The following DCLK1 variants were observed in gnomAD, a reference collection of about 807,000 sequenced individuals.
DCLK1 encodes the protein doublecortin like kinase 1.
Under a neutral mutation model 86.2 loss-of-function variants are expected in DCLK1, and 16 were observed. That is an observed-to-expected ratio of 0.19 (90% confidence interval 0.13 to 0.28). DCLK1 has a LOEUF of 0.28. Ranked by LOEUF, DCLK1 falls within the 10% of genes least tolerant of loss-of-function variation. DCLK1 has a pLI of 1.00. For synonymous variants in DCLK1, 369 were observed against 370.5 expected (o/e 1.00, Z 0.05); for missense variants, 590 against 940.2 (o/e 0.63, Z 4.87).
intron 5 of DCLK1, among the ~76,000 whole-genome samples, chr13:35,867,907 GAAAA>G (rs370346232): frequency 1.6e-4 from 7 of 44,730 alleles, no homozygotes; most frequent in African/African-American, 6.5e-4. Context: ...GAGAAAGAAA[GAAAA>G]AGAAAGAAAG....
At chr13:35,832,404 A>G (rs1869029223) in intron 8 of DCLK1, among the ~76,000 whole-genome samples, 2 of 152,204 alleles carry the variant, frequency 1.3e-5, no homozygotes, top group South Asian at 4.1e-4. Flanking sequence ...GGATTTAGAA[A>G]AAGAGTATAT....
chr13:36,098,498 G>T (rs1330132935), intron 3 of DCLK1, among the ~76,000 whole-genome samples: 1 of 152,168 alleles, frequency 6.6e-6, no homozygotes, highest in Non-Finnish European at 1.5e-5. Context: ...GGTGAGAGAA[G>T]CACTGAGAGA....
chr13:35,861,239 GA>G (rs66531212), intron 5 of DCLK1, among the ~76,000 whole-genome samples: 3 of 151,806 alleles, frequency 2.0e-5, no homozygotes, highest in Admixed American at 6.6e-5. Flanking sequence ...TGGGGTACAA[GA>G]AAAAAAATTT....
chr13:36,103,004 G>A (rs937039214), intron 3 of DCLK1, among the ~76,000 whole-genome samples: 1 of 152,218 alleles, frequency 6.6e-6, no homozygotes. Context: ...ACATAAATGT[G>A]CAGACTCATG....
intron 3 of DCLK1, among the ~76,000 whole-genome samples, chr13:36,052,348 A>G (rs1041810304): frequency 6.6e-6 from 1 of 152,112 alleles, no homozygotes; most frequent in Admixed American, 6.6e-5. Flanking sequence ...AGAAATTCAA[A>G]GAAGAATTTG....
chr13:35,865,180 T>G (rs886274229), intron 5 of DCLK1, among the ~76,000 whole-genome samples: 1 of 152,076 alleles, frequency 6.6e-6, no homozygotes, highest in Non-Finnish European at 1.5e-5. Context: ...ATAAAAAAAA[T>G]TGCTTAAAAG....
In DCLK1 at chr13:35,881,400, C is replaced by T. The variant is rs371420315; in HGVS notation, c.824-10060G>A. Among the ~76,000 whole-genome samples, 11 of 152,302 alleles carry T rather than the reference C, an allele frequency of 7.2e-5. No homozygotes were observed. In the East Asian group the frequency reaches 1.7e-3, roughly 24 times the overall value. On this transcript the variant is annotated intron_variant, in intron 4 of 16. Coordinates refer to ENST00000360631, the MANE Select transcript of DCLK1 (RefSeq NM_001330071.2). ...GCCTACATCTTCCCCATACCAACTG[C>T]TTCCATCAGGGTGCAGGGAAAGCCT...
chr13:36,073,844 T>C (rs983248424), intron 3 of DCLK1, among the ~76,000 whole-genome samples: 7 of 152,180 alleles, frequency 4.6e-5, no homozygotes, highest in African/African-American at 1.7e-4. Flanking sequence ...ATGTGGACCA[T>C]GACCACAGAC....
intron 3 of DCLK1, among the ~76,000 whole-genome samples, chr13:36,078,600 AG>A (rs1280613381): frequency 6.6e-6 from 1 of 152,202 alleles, no homozygotes; most frequent in Non-Finnish European, 1.5e-5. Context: ...GGGTGTCCAG[AG>A]GGATGAGCTA....
chr13:35,914,811 G>C (rs780139193), intron 4 of DCLK1, among the ~76,000 whole-genome samples: 6 of 151,278 alleles, frequency 4.0e-5, no homozygotes, highest in Non-Finnish European at 8.8e-5. Context: ...AAGTTTTTTT[G>C]AAGGCAAAGA....
intron 4 of DCLK1, among the ~76,000 whole-genome samples, chr13:35,897,606 T>C (rs1874081508): frequency 6.6e-6 from 1 of 152,146 alleles, no homozygotes; most frequent in Non-Finnish European, 1.5e-5. Context: ...GGAAGAAAAA[T>C]GAGAAACAGA....
chr13:35,871,496 G>A (rs1358561081), intron 4 of DCLK1, among the ~76,000 whole-genome samples, 156 bp from the exon 5 acceptor site: 1 of 152,066 alleles, frequency 6.6e-6, no homozygotes, highest in Admixed American at 6.6e-5. Context: ...ATGAAACCAA[G>A]AAAACAAAGA....
intron 6 of DCLK1, chr13:35,849,660 TG>T: frequency 1.0e-6 from 1 of 983,876 alleles, no homozygotes; most frequent in Non-Finnish European, 1.2e-6. Flanking sequence ...TGTTTAACAA[TG>T]GGTTATAATC....
chr13:35,890,147 A>T (rs1405926840), intron 4 of DCLK1, among the ~76,000 whole-genome samples: 1 of 152,152 alleles, frequency 6.6e-6, no homozygotes, highest in East Asian at 1.9e-4. Flanking sequence ...AATTTAAATA[A>T]TATATAAGAG....
chr13:36,125,697 TACA>T, intron 2 of DCLK1, 62 bp downstream of exon 2: 2 of 1,554,048 alleles, frequency 1.3e-6, no homozygotes, highest in Non-Finnish European at 1.7e-6. Context: ...GCGAATCGGC[TACA>T]ACACTGGAAA....
intron 4 of DCLK1, among the ~76,000 whole-genome samples, chr13:35,945,074 A>G (rs1231788584): frequency 1.3e-5 from 2 of 151,688 alleles, no homozygotes; most frequent in African/African-American, 4.8e-5. Flanking sequence ...CTAATTTTGT[A>G]TTTTTAGTAG....
At chr13:35,887,386 C>T (rs1873338118) in intron 4 of DCLK1, among the ~76,000 whole-genome samples, 1 of 152,212 alleles carries the variant, frequency 6.6e-6, no homozygotes, top group Non-Finnish European at 1.5e-5. Context: ...TAAAGCCGTT[C>T]ACAACCAGCC....
At chr13:36,050,777 C>T (rs1883095467) in intron 3 of DCLK1, among the ~76,000 whole-genome samples, 1 of 152,128 alleles carries the variant, frequency 6.6e-6, no homozygotes, top group African/African-American at 2.4e-5. Flanking sequence ...TGATTCAGTT[C>T]ATTTCTCTAT....
At chr13:35,877,864 G>T (rs1482565543) in intron 4 of DCLK1, among the ~76,000 whole-genome samples, 1 of 152,166 alleles carries the variant, frequency 6.6e-6, no homozygotes, top group Non-Finnish European at 1.5e-5. Flanking sequence ...AGTTCCAGAG[G>T]CATTTTATAA....
Sources: gnomAD v4.1 joint callset for allele counts (sites outside exome capture counted in the v4.1 genomes callset) on GRCh38, gnomAD v4.1.1 for gene constraint, MANE v1.5 for transcripts, NCBI Gene and HGNC (gene_info 2026-07-23, HGNC 2026-07-21) for gene names.